The following PTPRD variants were observed in gnomAD, a reference collection of about 807,000 sequenced individuals.
PTPRD encodes receptor-type tyrosine-protein phosphatase delta.
PTPRD carries 34 observed loss-of-function variants against 214.5 expected under a neutral mutation model. The observed-to-expected ratio is 0.16, with a 90% CI of 0.12 to 0.21. PTPRD has a LOEUF of 0.21. Ranked by LOEUF, PTPRD falls within the 10% of genes least tolerant of loss-of-function variation. PTPRD has a pLI of 1.00. For missense variants in PTPRD, 2,545 were observed against 2,398.7 expected, an observed-to-expected ratio of 1.06 and a Z score of -1.27; for synonymous variants, 1,128 against 845.7, an observed-to-expected ratio of 1.33 and a Z score of -5.79.
At chr9:9,775,818 T>C (rs887149290) in intron 5 of PTPRD, among the ~76,000 whole-genome samples, 1 of 151,672 alleles carries the variant, frequency 6.6e-6, no homozygotes, top group Non-Finnish European at 1.5e-5. Context: ...TAGCCGGGCA[T>C]GGTGGCGGAC....
intron 2 of PTPRD, among the ~76,000 whole-genome samples, chr9:10,524,692 T>G (rs937135683): frequency 6.6e-6 from 1 of 152,068 alleles, no homozygotes; most frequent in Admixed American, 6.6e-5. Context: ...CATTTTTCAG[T>G]TAAGAGGAGT....
In PTPRD at chr9:9,561,004, ATGTGCC is replaced by A. The variant is rs749449306; in HGVS notation, c.-237+13722_-237+13727del. On this transcript the variant is annotated intron_variant, in intron 8 of 45. Transcript: ENST00000381196. ...CACTCTCTCTCTTTCTCTGGGTGCC[ATGTGCC>A]TGCCATGTCAAGCCATGTTGAGCCG... Among the ~76,000 whole-genome samples the A allele has an allele frequency of 3.0e-4, 45 of 152,116 alleles. 1 individual carries two copies. Among genetic ancestry groups the A allele is most frequent in the Admixed American group, 1.0e-3 (16 of 15,264 alleles).
At chr9:9,093,686 C>G (rs926484543) in intron 10 of PTPRD, among the ~76,000 whole-genome samples, 2 of 151,254 alleles carry the variant, frequency 1.3e-5, no homozygotes, top group Non-Finnish European at 3.0e-5. Context: ...GCGGATGTAG[C>G]TAAACAGGCA....
At chr9:8,789,552 T>C (rs907294097) in intron 11 of PTPRD, among the ~76,000 whole-genome samples, 1 of 152,186 alleles carries the variant, frequency 6.6e-6, no homozygotes, top group Non-Finnish European at 1.5e-5. Flanking sequence ...TTGGTGTTTG[T>C]TTTTAGCTAG....
chr9:8,641,696 C>T (rs1047420456), intron 12 of PTPRD, among the ~76,000 whole-genome samples: 2 of 152,222 alleles, frequency 1.3e-5, no homozygotes, highest in African/African-American at 4.8e-5. Context: ...ATTCACAACA[C>T]AGGCCATAGC....
intron 11 of PTPRD, among the ~76,000 whole-genome samples, chr9:8,815,657 G>A (rs973975626): frequency 2.6e-5 from 4 of 151,834 alleles, no homozygotes; most frequent in African/African-American, 9.7e-5. Flanking sequence ...GAGATTATGG[G>A]TTTTTTTTCC....
intron 12 of PTPRD, among the ~76,000 whole-genome samples, chr9:8,653,640 C>G (rs889063598): frequency 2.0e-5 from 3 of 152,102 alleles, no homozygotes; most frequent in Admixed American, 6.6e-5. Context: ...CTATACCCCT[C>G]TGTCATCTAT....
intron 8 of PTPRD, among the ~76,000 whole-genome samples, chr9:9,555,198 G>A (rs191984567): frequency 2.5e-3 from 374 of 152,028 alleles, no homozygotes; most frequent in African/African-American, 8.2e-3. Flanking sequence ...AATATTTGAC[G>A]TATGATATTA....
intron 14 of PTPRD, among the ~76,000 whole-genome samples, chr9:8,561,332 G>C (rs944278748): frequency 9.9e-5 from 15 of 152,110 alleles, no homozygotes; most frequent in African/African-American, 3.4e-4. Flanking sequence ...GAAGGGGTGA[G>C]GAATCCTCCC....
At chr9:10,205,455 G>C (rs1309028531) in intron 3 of PTPRD, among the ~76,000 whole-genome samples, 1 of 151,264 alleles carries the variant, frequency 6.6e-6, no homozygotes. Context: ...GCCCAGGCTG[G>C]AGTGCAGTGG....
intron 14 of PTPRD, among the ~76,000 whole-genome samples, chr9:8,543,936 C>T (rs949016728): frequency 6.6e-6 from 1 of 151,934 alleles, no homozygotes; most frequent in Non-Finnish European, 1.5e-5. Flanking sequence ...GGTCTCAAAC[C>T]CCTGACTTCA....
intron 11 of PTPRD, among the ~76,000 whole-genome samples, chr9:8,780,264 G>C (rs938550182): frequency 6.6e-6 from 1 of 152,082 alleles, no homozygotes; most frequent in Admixed American, 6.6e-5. Context: ...TTATTCAAGA[G>C]GTTCTCATTT....
chr9:9,707,352 C>T (rs895027734), intron 7 of PTPRD, among the ~76,000 whole-genome samples: 1 of 151,996 alleles, frequency 6.6e-6, no homozygotes, highest in East Asian at 1.9e-4. Context: ...AGTCACTATT[C>T]GATTTACACA....
chr9:10,479,206 A>G (rs1458865132), intron 2 of PTPRD, among the ~76,000 whole-genome samples: 2 of 152,186 alleles, frequency 1.3e-5, no homozygotes, highest in African/African-American at 4.8e-5. Flanking sequence ...TTCCAGGCAC[A>G]TTCTGTTACA....
intron 3 of PTPRD, among the ~76,000 whole-genome samples, chr9:10,197,130 G>T (rs747419361): frequency 4.6e-5 from 7 of 152,078 alleles, no homozygotes; most frequent in Non-Finnish European, 1.0e-4. Flanking sequence ...GTGTCGTGTT[G>T]CCAAACAGTC....
chr9:9,824,619 C>T (rs1311013346), intron 5 of PTPRD, among the ~76,000 whole-genome samples: 1 of 151,750 alleles, frequency 6.6e-6, no homozygotes, highest in Non-Finnish European at 1.5e-5. Context: ...GTCTTTCTTA[C>T]AAAGAAAACA....
At chr9:10,198,762 A>T (rs900424800) in intron 3 of PTPRD, among the ~76,000 whole-genome samples, 1 of 152,138 alleles carries the variant, frequency 6.6e-6, no homozygotes, top group African/African-American at 2.4e-5. Context: ...AAATGAATCC[A>T]TTATTCCCAG....
At chr9:10,105,650 A>G (rs2098620316) in intron 3 of PTPRD, among the ~76,000 whole-genome samples, 1 of 151,858 alleles carries the variant, frequency 6.6e-6, no homozygotes, top group African/African-American at 2.4e-5. Flanking sequence ...CCAGTTTACT[A>G]TTTTCTAAAA....
At chr9:10,142,026 G>C (rs1041872889) in intron 3 of PTPRD, among the ~76,000 whole-genome samples, 2 of 152,056 alleles carry the variant, frequency 1.3e-5, no homozygotes, top group Admixed American at 6.6e-5. Context: ...AATGGGGAAA[G>C]GATTCCCTAT....
Sources: gnomAD v4.1 joint callset for allele counts (sites outside exome capture counted in the v4.1 genomes callset) on GRCh38, gnomAD v4.1.1 for gene constraint, MANE v1.5 for transcripts, NCBI Gene and HGNC (gene_info 2026-07-23, HGNC 2026-07-21) for gene names.